RBFOX1: variants seen among roughly 807,000 people sequenced by gnomAD.
RBFOX1 encodes RNA binding protein fox-1 homolog 1.
Under a neutral mutation model 57.7 loss-of-function variants are expected in RBFOX1, and 8 were observed. The observed-to-expected ratio is 0.14, with a 90% CI of 0.08 to 0.25. The LOEUF (loss-of-function observed/expected upper bound fraction) is 0.25, where lower values mean the gene tolerates loss of function less well. Ranked by LOEUF, RBFOX1 falls within the 10% of genes least tolerant of loss-of-function variation. The probability of loss-of-function intolerance (pLI) is 1.00; values close to 1 mark genes in which losing one functional copy is unlikely to be tolerated. For missense variants in RBFOX1, 611 were observed against 548.5 expected, an observed-to-expected ratio of 1.11 and a Z score of -1.14; for synonymous variants, 326 against 222.4, an observed-to-expected ratio of 1.47 and a Z score of -4.15.
chr16:6,884,924 C>T (rs981049634), intron 3 of RBFOX1, among the ~76,000 whole-genome samples: 2 of 152,008 alleles, frequency 1.3e-5, no homozygotes, highest in Non-Finnish European at 2.9e-5. Context: ...CAAAAAAACC[C>T]TGCAAATATT....
chr16:7,677,572 T>C (rs2073717041), intron 14 of RBFOX1, among the ~76,000 whole-genome samples: 1 of 152,084 alleles, frequency 6.6e-6, no homozygotes, highest in African/African-American at 2.4e-5. Flanking sequence ...ATGAGTTGGT[T>C]CCTGAAACAG....
Position 6,493,824 on chromosome 16 carries a change from C to T in RBFOX1, c.-63-160779C>T, listed in dbSNP as rs981341580. ...CGGCAGATTTCACTTCCTTTAAACACGCCAACTGAATATACGAAAGCTAGA... is the reference window on the plus strand; with the variant it reads ...CGGCAGATTTCACTTCCTTTAAACATGCCAACTGAATATACGAAAGCTAGA... On this transcript the variant is annotated intron_variant, in intron 2 of 15. Transcript: ENST00000550418. 8.3e-4 allele frequency among the ~76,000 whole-genome samples: 126 copies of T among 152,292 alleles called. 1 individual carries two copies. Among genetic ancestry groups the T allele is most frequent in the African/African-American group, 2.8e-3 (116 of 41,562 alleles).
intron 4 of RBFOX1, among the ~76,000 whole-genome samples, chr16:5,973,039 C>T (rs1312950309): frequency 6.6e-6 from 1 of 152,072 alleles, no homozygotes; most frequent in African/African-American, 2.4e-5. Flanking sequence ...TTTCAGCTGC[C>T]CTGAGATGTA....
chr16:6,786,178 G>A (rs2081929159), intron 3 of RBFOX1, among the ~76,000 whole-genome samples: 1 of 152,158 alleles, frequency 6.6e-6, no homozygotes, highest in African/African-American at 2.4e-5. Context: ...AGATTCCCAT[G>A]ACCCTGTTGA....
intron 4 of RBFOX1, among the ~76,000 whole-genome samples, chr16:7,331,786 A>T (rs933557318): frequency 5.9e-5 from 9 of 152,172 alleles, no homozygotes; most frequent in Non-Finnish European, 1.2e-4. Flanking sequence ...AGTCAGTATA[A>T]TTCCAATTAT....
At chr16:6,161,050 C>G (rs982544843) in intron 1 of RBFOX1, among the ~76,000 whole-genome samples, 4 of 152,120 alleles carry the variant, frequency 2.6e-5, no homozygotes, top group Non-Finnish European at 5.9e-5. Flanking sequence ...GCAGCCCTGC[C>G]CCTTGAACAG....
At chr16:6,218,993 A>G (rs1421768299) in intron 1 of RBFOX1, among the ~76,000 whole-genome samples, 1 of 152,220 alleles carries the variant, frequency 6.6e-6, no homozygotes, top group Non-Finnish European at 1.5e-5. Context: ...GTCAAAATGT[A>G]GGCATATTAG....
chr16:7,533,511 A>T (rs1445422573), intron 5 of RBFOX1, among the ~76,000 whole-genome samples: 1 of 152,326 alleles, frequency 6.6e-6, no homozygotes, highest in East Asian at 1.9e-4. Flanking sequence ...CACAAGTTGA[A>T]AATGCATTTA....
chr16:6,738,680 T>C (rs2071164859), intron 3 of RBFOX1, among the ~76,000 whole-genome samples: 1 of 152,120 alleles, frequency 6.6e-6, no homozygotes, highest in South Asian at 2.1e-4. Flanking sequence ...AAGAGCAGAA[T>C]ACACATTCTT....
intron 1 of RBFOX1, among the ~76,000 whole-genome samples, chr16:6,175,976 T>G (rs2097003670): frequency 1.3e-5 from 2 of 152,116 alleles, no homozygotes; most frequent in Non-Finnish European, 1.5e-5. Flanking sequence ...CTTCAAAGGT[T>G]TGGAGATGAG....
At chr16:5,951,815 G>T (rs1385159206) in intron 4 of RBFOX1, among the ~76,000 whole-genome samples, 1 of 151,852 alleles carries the variant, frequency 6.6e-6, no homozygotes, top group Admixed American at 6.6e-5. Context: ...GTTGTTAAAA[G>T]CTTCTGGATT....
At chr16:6,907,445 T>G (rs1384508144) in intron 3 of RBFOX1, among the ~76,000 whole-genome samples, 4 of 152,222 alleles carry the variant, frequency 2.6e-5, no homozygotes, top group African/African-American at 7.2e-5. Flanking sequence ...TAACAGGAAT[T>G]GATCGTCTTG....
intron 2 of RBFOX1, among the ~76,000 whole-genome samples, chr16:5,535,040 C>T (rs1217098504): frequency 1.3e-5 from 2 of 152,172 alleles, no homozygotes; most frequent in African/African-American, 2.4e-5. Flanking sequence ...AATAACTATC[C>T]TCATGGGGCT....
rs2084000572 is a variant in RBFOX1 at position 7,711,552 on chromosome 16, G to A, written c.*807G>A. ...CTGCTGACTTTTATATTATGGGAGG[G>A]AAAAAATAACATTAATAAAAAGGTG... On this transcript the variant is annotated 3_prime_UTR_variant, in exon 16 of 16. Coordinates refer to ENST00000550418, the MANE Select transcript of RBFOX1 (RefSeq NM_018723.4). 1 of 152,088 alleles carries A rather than the reference G, an allele frequency of 6.6e-6. No homozygotes were observed. Among genetic ancestry groups the A allele is most frequent in the Admixed American group, 6.6e-5 (1 of 15,226 alleles). 9.4% of individuals were successfully genotyped at this position (152,088 alleles called of 1,614,324 possible). A position where few individuals can be genotyped will look rare whatever the true frequency, so the allele number is the denominator to read the frequency against.
At chr16:6,602,295 C>G (rs1396661036) in intron 2 of RBFOX1, among the ~76,000 whole-genome samples, 1 of 152,072 alleles carries the variant, frequency 6.6e-6, no homozygotes, top group Non-Finnish European at 1.5e-5. Flanking sequence ...TTAATAGTGT[C>G]TTTGATTTGC....
At chr16:7,191,134 C>T (rs926486153) in intron 4 of RBFOX1, among the ~76,000 whole-genome samples, 2 of 152,124 alleles carry the variant, frequency 1.3e-5, no homozygotes, top group Non-Finnish European at 2.9e-5. Flanking sequence ...CTTAATTCTT[C>T]ACCATCATAC....
chr16:7,554,745 T>G (rs1159251678), intron 5 of RBFOX1, among the ~76,000 whole-genome samples: 2 of 151,834 alleles, frequency 1.3e-5, no homozygotes, highest in African/African-American at 4.9e-5. Context: ...TGTGCACTCT[T>G]TTTTTCTTCT....
chr16:6,142,501 G>A (rs563709525), intron 1 of RBFOX1, among the ~76,000 whole-genome samples: 18 of 152,154 alleles, frequency 1.2e-4, no homozygotes, highest in South Asian at 2.1e-4. Context: ...GATTACAGGC[G>A]TGAGCCACCA....
intron 4 of RBFOX1, among the ~76,000 whole-genome samples, chr16:7,449,626 C>G (rs11644672): frequency 0.39 from 58,873 of 150,988 alleles, 11,913 homozygotes; most frequent in Non-Finnish European, 0.45. Flanking sequence ...CTGCACATCC[C>G]CAGTGCCTGA....
Sources: gnomAD v4.1 joint callset for allele counts (sites outside exome capture counted in the v4.1 genomes callset) on GRCh38, gnomAD v4.1.1 for gene constraint, MANE v1.5 for transcripts, NCBI Gene and HGNC (gene_info 2026-07-23, HGNC 2026-07-21) for gene names.